The following PVT1 variants were observed in gnomAD, a reference collection of about 807,000 sequenced individuals.
PVT1 encodes the protein CXCR4/PVT1 fusion.
intron 2 of PVT1, among the ~76,000 whole-genome samples, chr8:127,834,189 G>GCATGATACTAGTA (rs1814883590): frequency 1.3e-5 from 2 of 151,844 alleles, no homozygotes; most frequent in African/African-American, 4.8e-5. Context: ...GGCTACAGTA[G>GCATGATACTAGTA]CCAAAACAGC....
chr8:127,833,883 G>GAA (rs1814880026), intron 2 of PVT1, among the ~76,000 whole-genome samples: 1 of 152,184 alleles, frequency 6.6e-6, no homozygotes, highest in Non-Finnish European at 1.5e-5. Flanking sequence ...AGTGTAGTCA[G>GAA]AATCACCAGA....
chr8:127,931,034 A>G lies in PVT1; in HGVS notation n.782+40036A>G, dbSNP rs189802102. Among the ~76,000 whole-genome samples the G allele has an allele frequency of 2.8e-4, 43 of 152,200 alleles. No homozygotes were observed. In the Middle Eastern group the frequency reaches 0.014, roughly 48 times the overall value. ...GATCCTCCCCTTCAGCGTCCCTAGTAGCTGGGACTACAGGTGCGCTCCACC... is the reference window on the plus strand; with the variant it reads ...GATCCTCCCCTTCAGCGTCCCTAGTGGCTGGGACTACAGGTGCGCTCCACC... On this transcript the variant is annotated intron_variant and non_coding_transcript_variant, in intron 3 of 10. Coordinates refer to ENST00000651587, the Ensembl canonical transcript of PVT1.
chr8:127,996,165 T>TCC (rs1181411380), intron 4 of PVT1, among the ~76,000 whole-genome samples: 2 of 152,148 alleles, frequency 1.3e-5, no homozygotes, highest in South Asian at 4.1e-4. Flanking sequence ...AAGCTCCTGA[T>TCC]CCAGCAGGTT....
intron 4 of PVT1, among the ~76,000 whole-genome samples, chr8:128,021,062 C>T (rs1178204010): frequency 1.3e-5 from 2 of 152,114 alleles, no homozygotes; most frequent in African/African-American, 4.8e-5. Flanking sequence ...TGGTAGCTTC[C>T]TTAGGGGTCT....
intron 5 of PVT1, among the ~76,000 whole-genome samples, chr8:128,073,979 G>A (rs1814045091): frequency 6.6e-6 from 1 of 152,026 alleles, no homozygotes; most frequent in Admixed American, 6.5e-5. Context: ...GTGTCCTTGT[G>A]CTAGTCATGA....
chr8:127,814,479 T>A (rs1315772088), intron 2 of PVT1, among the ~76,000 whole-genome samples: 6 of 152,200 alleles, frequency 3.9e-5, no homozygotes, highest in African/African-American at 1.4e-4. Flanking sequence ...CCTAATTTAC[T>A]CTCATTTATT....
At chr8:128,035,013 C>A (rs963503668) in intron 4 of PVT1, among the ~76,000 whole-genome samples, 2 of 152,186 alleles carry the variant, frequency 1.3e-5, no homozygotes, top group African/African-American at 4.8e-5. Context: ...ATTTTATTTA[C>A]CCTGAAAAGC....
At chr8:127,921,337 G>C (rs1030652114) in intron 3 of PVT1, among the ~76,000 whole-genome samples, 5 of 105,988 alleles carry the variant, frequency 4.7e-5, no homozygotes, top group African/African-American at 1.8e-4. Flanking sequence ...ATTTAAAAAT[G>C]TTAAAAAAAA....
chr8:127,884,143 C>T lies in PVT1; in HGVS notation n.373-6446C>T, dbSNP rs1429802044. ...GAACATTTCCAGCATTTTGGAAGCCCCCTCCCAGTCAGTCACTCAGGAGAA... is the reference window on the plus strand; with the variant it reads ...GAACATTTCCAGCATTTTGGAAGCCTCCTCCCAGTCAGTCACTCAGGAGAA... On this transcript the variant is annotated intron_variant and non_coding_transcript_variant, in intron 2 of 10. Coordinates refer to ENST00000651587, the Ensembl canonical transcript of PVT1. Among the ~76,000 whole-genome samples the T allele has an allele frequency of 4.6e-5, 7 of 152,188 alleles. No individual in the cohort carries two copies. In the East Asian group the frequency reaches 1.3e-3, roughly 29 times the overall value.
At chr8:127,847,921 A>G (rs1815054226) in intron 2 of PVT1, among the ~76,000 whole-genome samples, 1 of 151,492 alleles carries the variant, frequency 6.6e-6, no homozygotes, top group Non-Finnish European at 1.5e-5. Context: ...TTTTCTTTTC[A>G]GAGATAAGGT....
intron 2 of PVT1, among the ~76,000 whole-genome samples, chr8:127,839,417 G>A (rs1814947367): frequency 6.6e-6 from 1 of 151,948 alleles, no homozygotes; most frequent in Admixed American, 6.6e-5. Context: ...GGGCATGGTG[G>A]CATAGACTTG....
At chr8:127,829,296 A>T (rs1352181778) in intron 2 of PVT1, among the ~76,000 whole-genome samples, 1 of 152,098 alleles carries the variant, frequency 6.6e-6, no homozygotes, top group Non-Finnish European at 1.5e-5. Flanking sequence ...AAAAATGCAT[A>T]TTGCATAAAA....
At chr8:127,836,317 C>T (rs527510198) in intron 2 of PVT1, among the ~76,000 whole-genome samples, 34 of 152,202 alleles carry the variant, frequency 2.2e-4, no homozygotes, top group African/African-American at 6.5e-4. Context: ...TTTTATTTTA[C>T]ATTCCGAGGT....
At position 127,924,200 on chromosome 8, in the gene PVT1, C is replaced by A. The variant is rs78662095; in HGVS notation, n.782+33202C>A. Among the ~76,000 whole-genome samples the A allele has an allele frequency of 5.8e-3, 882 of 152,314 alleles. 16 individuals are homozygous for A. The highest frequency in any genetic ancestry group is 0.02 in the African/African-American group (840 of 41,566). On this transcript the variant is annotated intron_variant and non_coding_transcript_variant, in intron 3 of 10. Transcript: ENST00000651587. ...GCGTTTTCATACAGTGGCTGGGATC[C>A]ATCATTGCTGGTGTTATTCCTTCAC...
At chr8:127,795,667 T>G (rs2130181259) in intron 1 of PVT1, 1 of 147,114 alleles carries the variant, frequency 6.8e-6, no homozygotes, top group African/African-American at 2.5e-5. Flanking sequence ...TCTAGAGAAA[T>G]GTGTTTGTGT....
At chr8:128,041,043 CTGTGTGTT>C (rs1563673016) in intron 4 of PVT1, among the ~76,000 whole-genome samples, 1 of 119,076 alleles carries the variant, frequency 8.4e-6, no homozygotes, top group Admixed American at 8.7e-5. Flanking sequence ...TGTTGAGTGC[CTGTGTGTT>C]TGTGTGTTTT....
At chr8:127,960,197 G>T (rs1563650744) in intron 3 of PVT1, among the ~76,000 whole-genome samples, 1 of 152,184 alleles carries the variant, frequency 6.6e-6, no homozygotes, top group Non-Finnish European at 1.5e-5. Flanking sequence ...TTCCAAGTTG[G>T]AGGGTCCGTG....
At chr8:127,825,282 T>A (rs903309072) in intron 2 of PVT1, among the ~76,000 whole-genome samples, 3 of 152,196 alleles carry the variant, frequency 2.0e-5, no homozygotes, top group Non-Finnish European at 4.4e-5. Flanking sequence ...TCTAGACATT[T>A]TTAAGGCTCT....
At chr8:127,876,028 AC>A (rs779276752) in intron 2 of PVT1, among the ~76,000 whole-genome samples, 28 of 151,390 alleles carry the variant, frequency 1.8e-4, no homozygotes, top group Non-Finnish European at 2.8e-4. Context: ...GGCACCCTCC[AC>A]CCCCCCTCAC....
Sources: allele counts gnomAD v4.1 joint callset (sites outside exome capture counted in the v4.1 genomes callset), GRCh38; gene constraint gnomAD v4.1.1; transcripts MANE v1.5; gene names NCBI Gene and HGNC (gene_info 2026-07-23, HGNC 2026-07-21).